Variants in CCDC196 observed in about 807,000 individuals in gnomAD.
CCDC196 encodes coiled-coil domain-containing protein 196.
At position 66,486,392 on chromosome 14, in the gene CCDC196, C is replaced by T. The variant is rs1055426016; in HGVS notation, c.-111C>T. 16 of 397,564 alleles carry T rather than the reference C, an allele frequency of 4.0e-5. No homozygotes were observed. The highest frequency in any genetic ancestry group is 3.3e-4 in the African/African-American group (16 of 48,714). 24.6% of individuals were successfully genotyped at this position (397,564 alleles called of 1,614,324 possible). A position where few individuals can be genotyped will look rare whatever the true frequency, so the allele number is the denominator to read the frequency against. ...CCTCGCTGTAGCTAAGATCAGTCCA[C>T]TGCAGCAGGAGTTTCAAGAACAGCA... On this transcript the variant is annotated 5_prime_UTR_variant, in exon 1 of 10. Transcript: ENST00000636229.
chr14:66,496,047 G>A (rs1413953631), intron 8 of CCDC196, among the ~76,000 whole-genome samples: 1 of 152,118 alleles, frequency 6.6e-6, no homozygotes, highest in Non-Finnish European at 1.5e-5. Context: ...AAGAAAAAAT[G>A]AGCACTAAAC....
rs558376785 is a variant in CCDC196 at position 66,491,662 on chromosome 14, C to T, written c.550C>T (p.Gln184Ter). 1 of 413,808 alleles carries T rather than the reference C, an allele frequency of 2.4e-6. No homozygotes were observed. The highest frequency in any genetic ancestry group is 4.4e-5 in the Admixed American group (1 of 22,724). The allele number at this position is 413,808 out of a possible 1,614,324, so 25.6% of individuals were successfully genotyped here. The stretch of plus-strand genomic sequence containing the variant: ...GAGGAAAATGGAATGGGTCAAGTAT[C>T]AGGAACAAAATAACATCCTTCAGGT... Reference protein sequence around the residue: ...QQRKMEWVKYQEQNNILQNDF... With the variant: ...QQRKMEWVKY Residue 184 changes from glutamine to a stop codon, truncating the protein, a stop_gained, in exon 7 of 10, where the codon CAG (glutamine) becomes TAG (stop). Transcript: ENST00000636229. LOFTEE classifies it high-confidence loss of function.
chr14:66,491,795 G>T (rs1312967084), intron 7 of CCDC196, 110 bp downstream of exon 7: 2 of 412,010 alleles, frequency 4.9e-6, no homozygotes, highest in Non-Finnish European at 8.9e-6. Context: ...ATTACCGATT[G>T]CCCTGCTAAA....
chr14:66,495,774 G>A (rs1419084172), intron 8 of CCDC196: 1 of 154,660 alleles, frequency 6.5e-6, no homozygotes, highest in Non-Finnish European at 1.4e-5. Context: ...GACAAAAGGT[G>A]CCACATTCAT....
intron 8 of CCDC196, chr14:66,496,086 G>A (rs2057658697): frequency 3.4e-6 from 1 of 294,384 alleles, no homozygotes; most frequent in Non-Finnish European, 6.8e-6. Context: ...CTTATTTGAA[G>A]TTTGTATACT....
Position 66,498,481 on chromosome 14 carries a change from C to A in CCDC196, c.*9C>A, listed in dbSNP as rs1008002354. The A allele has an allele frequency of 2.4e-6, 1 of 413,190 alleles. No homozygotes were observed. Among genetic ancestry groups the A allele is most frequent in the Non-Finnish European group, 4.4e-6 (1 of 225,712 alleles). The allele number at this position is 413,190 out of a possible 1,614,324, so 25.6% of individuals were successfully genotyped here. ...AAGCACTGAAGAATTAGCAGGCTTT[C>A]GCTCCATTTGCTTTGGACAGATTTA... On this transcript the variant is annotated 3_prime_UTR_variant, in exon 10 of 10. Coordinates refer to ENST00000636229, the MANE Select transcript of CCDC196 (RefSeq NM_001351576.1).
At chr14:66,489,149 C>T (rs536602116) in intron 4 of CCDC196, 112 bp downstream of exon 4, 52 of 409,800 alleles carry the variant, frequency 1.3e-4, no homozygotes, top group Non-Finnish European at 1.5e-4. Context: ...TCCACCCATG[C>T]CTCATTCCAA....
intron 6 of CCDC196, among the ~76,000 whole-genome samples, 168 bp downstream of exon 6, chr14:66,491,272 T>A (rs1405136317): frequency 6.6e-6 from 1 of 152,210 alleles, no homozygotes; most frequent in East Asian, 1.9e-4. Context: ...ATCACAAGTT[T>A]CTGGGAAATC....
At chr14:66,495,353 A>T (rs1293406988) in intron 8 of CCDC196, among the ~76,000 whole-genome samples, 2 of 152,352 alleles carry the variant, frequency 1.3e-5, no homozygotes, top group African/African-American at 4.8e-5. Flanking sequence ...AATACAAACA[A>T]CATTAACATG....
At position 66,486,715 on chromosome 14, in the gene CCDC196, A is replaced by G. The variant is rs2139570467; in HGVS notation, c.109A>G (p.Lys37Glu). ...KELNEDLKLR[K>E]QELLEMLKPL... Reference sequence around the variant, plus strand: ...ATTGAATGAGGACTTAAAGCTAAGGAAGCAGGAACTGCTAGAGATGCTCAA... The same window carrying G: ...ATTGAATGAGGACTTAAAGCTAAGGGAGCAGGAACTGCTAGAGATGCTCAA... Residue 37 changes from lysine to glutamate, a missense_variant, in exon 2 of 10, where the codon AAG (lysine) becomes GAG (glutamate). By Grantham distance (56) the Lys-to-Glu change is moderately conservative (BLOSUM62 1). Transcript: ENST00000636229. 1 of 413,482 alleles carries G rather than the reference A, an allele frequency of 2.4e-6. No individual in the cohort carries two copies. Among genetic ancestry groups the G allele is most frequent in the Admixed American group, 4.4e-5 (1 of 22,736 alleles). 25.6% of individuals were successfully genotyped at this position (413,482 alleles called of 1,614,324 possible).
intron 8 of CCDC196, chr14:66,494,560 T>A (rs1464132373): frequency 6.6e-6 from 1 of 152,226 alleles, no homozygotes; most frequent in Non-Finnish European, 1.5e-5. Flanking sequence ...CCTAAATGCA[T>A]TCCTTGAAAA....
At chr14:66,487,687 G>A (rs528625504) in intron 2 of CCDC196, among the ~76,000 whole-genome samples, 2 of 152,304 alleles carry the variant, frequency 1.3e-5, no homozygotes, top group East Asian at 3.9e-4. Context: ...AAGGATATCA[G>A]TGACTTCCCC....
Position 66,491,056 on chromosome 14 carries a change from G to A in CCDC196, c.465G>A (p.Glu155=). 1 of 413,512 alleles carries A rather than the reference G, an allele frequency of 2.4e-6. No homozygotes were observed. The highest frequency in any genetic ancestry group is 4.4e-6 in the Non-Finnish European group (1 of 226,166). The allele number at this position is 413,512 out of a possible 1,614,324, so 25.6% of individuals were successfully genotyped here. A position where few individuals can be genotyped will look rare whatever the true frequency, so the allele number is the denominator to read the frequency against. Residue 155 remains glutamate, a synonymous_variant, in exon 6 of 10, where the codon GAG becomes GAA. Coordinates refer to ENST00000636229, the MANE Select transcript of CCDC196 (RefSeq NM_001351576.1). ...CCCCCTCATCACCTAGGAAGACTGA[G>A]AGTGAACTGGAGAAATCATTTGCAG... ...PKSPSSPRKT[E]SELEKSFAEK...
chr14:66,489,944 G>T (rs2057497967), intron 4 of CCDC196, among the ~76,000 whole-genome samples: 1 of 152,244 alleles, frequency 6.6e-6, no homozygotes, highest in South Asian at 2.1e-4. Context: ...TACAGACTAT[G>T]CAACTAGAAG....
intron 8 of CCDC196, chr14:66,495,543 A>T (rs1179035831): frequency 6.6e-6 from 1 of 152,238 alleles, no homozygotes; most frequent in African/African-American, 2.4e-5. Flanking sequence ...CCTCTTCTAG[A>T]TCTAAACGCT....
intron 4 of CCDC196, among the ~76,000 whole-genome samples, chr14:66,490,255 T>A (rs928864155): frequency 2.0e-5 from 3 of 152,158 alleles, no homozygotes; most frequent in African/African-American, 7.2e-5. Context: ...CTTTCCCTAC[T>A]CATATTTTAG....
At chr14:66,497,095 G>C (rs1340427741) in intron 8 of CCDC196, among the ~76,000 whole-genome samples, 1 of 152,100 alleles carries the variant, frequency 6.6e-6, no homozygotes, top group Admixed American at 6.6e-5. Context: ...AATGCTGAAG[G>C]GCAGGGGCGG....
chr14:66,489,093 C>T (rs2057478302), intron 4 of CCDC196, 56 bp downstream of exon 4: 2 of 412,848 alleles, frequency 4.8e-6, no homozygotes, highest in Admixed American at 4.4e-5. Flanking sequence ...ACGCAAAGAA[C>T]CTCCCTTTCC....
chr14:66,496,316 T>C (rs2057664446), intron 8 of CCDC196: 1 of 456,298 alleles, frequency 2.2e-6, no homozygotes, highest in Non-Finnish European at 4.4e-6. Context: ...GCTGGTTGGC[T>C]GAGTTGCAGT....
Sources: allele counts gnomAD v4.1 joint callset (sites outside exome capture counted in the v4.1 genomes callset), GRCh38; gene constraint gnomAD v4.1.1; transcripts MANE v1.5; gene names NCBI Gene and HGNC (gene_info 2026-07-23, HGNC 2026-07-21).